UGT2B7: variants seen among roughly 807,000 people sequenced by gnomAD.
UGT2B7 encodes UDP glucuronosyltransferase family 2 member B7.
UGT2B7 carries 51 observed loss-of-function variants against 51.9 expected under a neutral mutation model. That is an observed-to-expected ratio of 0.98 (90% CI 0.78 to 1.24). The LOEUF (loss-of-function observed/expected upper bound fraction) is 1.24, where lower values mean the gene tolerates loss of function less well. Ranked by LOEUF, UGT2B7 falls within the 50% of genes most tolerant of loss-of-function variation. UGT2B7 has a pLI of 0.00. For missense variants in UGT2B7, 727 were observed against 628.4 expected (o/e 1.16, Z -1.68); for synonymous variants, 225 against 211.6 (o/e 1.06, Z -0.55).
upstream of UGT2B7, among the ~76,000 whole-genome samples, chr4:69,095,207 A>G (rs1423826755): frequency 6.6e-6 from 1 of 152,204 alleles, no homozygotes. Context: ...GAGCAAGGAG[A>G]TAAGAAGAGA....
upstream of UGT2B7, among the ~76,000 whole-genome samples, chr4:69,095,000 A>T (rs1719183284): frequency 6.6e-6 from 1 of 152,218 alleles, no homozygotes; most frequent in Admixed American, 6.5e-5. Flanking sequence ...ATGAGATTTC[A>T]TCAATTCTGT....
chr4:69,101,151 T>C (rs1251961058), intron 2 of UGT2B7, among the ~76,000 whole-genome samples: 1 of 151,844 alleles, frequency 6.6e-6, no homozygotes, highest in African/African-American at 2.4e-5. Context: ...ATAAAGTGAG[T>C]TAGAAAATGA....
chr4:69,089,851 A>G (rs1719046284), intron 2 of UGT2B7, among the ~76,000 whole-genome samples: 1 of 152,180 alleles, frequency 6.6e-6, no homozygotes, highest in Admixed American at 6.6e-5. Context: ...TAAAATATTA[A>G]GTTCCTATCT....
At chr4:69,069,122 C>T (rs539198098) in intron 1 of UGT2B7, among the ~76,000 whole-genome samples, 28 of 150,682 alleles carry the variant, frequency 1.9e-4, no homozygotes, top group African/African-American at 6.3e-4. Context: ...AAAAAAGGAC[C>T]GGTAGATATC....
intron 1 of UGT2B7, among the ~76,000 whole-genome samples, chr4:69,078,037 C>A (rs1216713497): frequency 1.3e-5 from 2 of 151,956 alleles, no homozygotes; most frequent in Non-Finnish European, 2.9e-5. Context: ...TTGAGACAAT[C>A]ATGTTTTTTT....
At chr4:69,072,190 A>T (rs1318441312) in intron 1 of UGT2B7, among the ~76,000 whole-genome samples, 2 of 152,114 alleles carry the variant, frequency 1.3e-5, no homozygotes, top group Non-Finnish European at 2.9e-5. Flanking sequence ...CAAAAATTTC[A>T]ATATTGTGCA....
intron 1 of UGT2B7, among the ~76,000 whole-genome samples, chr4:69,077,261 C>T (rs1020894576): frequency 6.6e-6 from 1 of 151,076 alleles, no homozygotes; most frequent in Non-Finnish European, 1.5e-5. Context: ...CTTGGCTCTG[C>T]AGGCTCTTTT....
intron 1 of UGT2B7, among the ~76,000 whole-genome samples, chr4:69,081,570 A>G (rs1407651341): frequency 2.6e-5 from 4 of 152,164 alleles, no homozygotes; most frequent in African/African-American, 7.2e-5. Flanking sequence ...TTTTTCTTTT[A>G]TAATCTCTGG....
intron 1 of UGT2B7, among the ~76,000 whole-genome samples, chr4:69,087,142 C>G (rs575707269): frequency 1.3e-5 from 2 of 151,560 alleles, no homozygotes; most frequent in African/African-American, 2.4e-5. Context: ...CTCTCTCTCT[C>G]TGTGTCTTCC....
In UGT2B7 at chr4:69,112,867, A is replaced by C; in HGVS notation, c.*131A>C. The C allele has an allele frequency of 7.5e-7, 1 of 1,337,262 alleles. No individual in the cohort carries two copies. Among genetic ancestry groups the C allele is most frequent in the Non-Finnish European group, 9.8e-7 (1 of 1,017,380 alleles). The allele number at this position is 1,337,262 out of a possible 1,614,324, so 82.8% of individuals were successfully genotyped here. ...AAAAAAAAGAAAAAAAAATCTTTTC[A>C]AAATTTACTTTGTCAAATAAAAATT... On this transcript the variant is annotated 3_prime_UTR_variant, in exon 6 of 6. Coordinates refer to ENST00000305231, the MANE Select transcript of UGT2B7 (RefSeq NM_001074.4).
rs72851394 is a variant in UGT2B7 at position 69,070,794 on chromosome 4, G to A, written c.-158-18678G>A. On this transcript the variant is annotated intron_variant, in intron 1 of 5. Coordinates refer to the UGT2B7 transcript ENST00000502942. ...GCATGAAGGCTAGGGTCACCTTCTA[G>A]GACAAATCCATGACATAGTGCACAT... is the stretch of plus-strand genomic sequence containing the variant. Among the ~76,000 whole-genome samples, 708 of 152,162 alleles carry A rather than the reference G, an allele frequency of 4.7e-3. 7 individuals carry two copies. Among genetic ancestry groups the A allele is most frequent in the African/African-American group, 0.014 (600 of 41,540 alleles).
intron 1 of UGT2B7, among the ~76,000 whole-genome samples, chr4:69,053,613 C>T (rs952425618): frequency 1.3e-5 from 2 of 152,184 alleles, no homozygotes; most frequent in African/African-American, 4.8e-5. Context: ...TCTGCTATAT[C>T]CTGAAGTCCC....
Position 69,096,557 on chromosome 4 carries a change from C to T in UGT2B7, c.37C>T (p.Gln13Ter), listed in dbSNP as rs1157290351. 1.9e-6 allele frequency: 3 copies of T among 1,613,890 alleles called. No homozygotes were observed. The highest frequency in any genetic ancestry group is 1.3e-5 in the African/African-American group (1 of 75,036). ...ATGGACTTCAGTAATTTTGCTAATA[C>T]AACTGAGCTTTTGCTTTAGCTCTGG... ...VKWTSVILLIQLSFCFSSGNC... is the reference protein window; with the variant it reads ...VKWTSVILLI The change falls in exon 1 of 6, where the codon CAA becomes TAA. Residue 13 changes from glutamine to a stop codon, truncating the protein, a stop_gained. Transcript: ENST00000305231. LOFTEE classifies it high-confidence loss of function.
chr4:69,061,708 G>A lies in UGT2B7; in HGVS notation c.-159+10106G>A, dbSNP rs917018026. Among the ~76,000 whole-genome samples the A allele has an allele frequency of 7.2e-5, 11 of 152,162 alleles. 1 individual carries two copies. The highest frequency in any genetic ancestry group is 3.3e-4 in the Admixed American group (5 of 15,280). ...TTAGGGTGTCATTTCTATGTGCAATGGCTCACCGCTATTACTTGAGCCATT... is the reference window on the plus strand; with the variant it reads ...TTAGGGTGTCATTTCTATGTGCAATAGCTCACCGCTATTACTTGAGCCATT... On this transcript the variant is annotated intron_variant, in intron 1 of 5. Transcript: ENST00000502942.
At chr4:69,078,620 T>C (rs747964147) in intron 1 of UGT2B7, among the ~76,000 whole-genome samples, 2 of 152,150 alleles carry the variant, frequency 1.3e-5, no homozygotes, top group Non-Finnish European at 2.9e-5. Flanking sequence ...GTGTGTATTT[T>C]GTTAAATGTT....
At chr4:69,093,941 T>C (rs555392406), upstream of UGT2B7, among the ~76,000 whole-genome samples, 12 of 152,316 alleles carry the variant, frequency 7.9e-5, no homozygotes, top group Admixed American at 2.0e-4. Flanking sequence ...GTGAGAGCCA[T>C]GCATATTACC....
chr4:69,111,228 G>A lies in UGT2B7; in HGVS notation c.1311-1229G>A, dbSNP rs546782927. On this transcript the variant is annotated intron_variant, in intron 5 of 5. Coordinates refer to ENST00000305231, the MANE Select transcript of UGT2B7 (RefSeq NM_001074.4). ...AAAGTGTTAGGAAAAGAGTTTGCCC[G>A]TGTCTAAAAATGTAGGGTTCTGTAG... 9.9e-5 allele frequency among the ~76,000 whole-genome samples: 15 copies of A among 152,250 alleles called. No homozygotes were observed. In the East Asian group the frequency reaches 1.7e-3, roughly 18 times the overall value.
intron 5 of UGT2B7, among the ~76,000 whole-genome samples, chr4:69,109,587 CTTA>C (rs1192172499): frequency 6.6e-6 from 1 of 151,956 alleles, no homozygotes; most frequent in Non-Finnish European, 1.5e-5. Context: ...TGCTATTTGT[CTTA>C]TTATTAAGTT....
chr4:69,088,684 A>G (rs958733904), intron 1 of UGT2B7, among the ~76,000 whole-genome samples: 1 of 152,108 alleles, frequency 6.6e-6, no homozygotes, highest in African/African-American at 2.4e-5. Context: ...CATTCCTGCT[A>G]ATAGGAACAC....
Sources: allele counts gnomAD v4.1 joint callset (sites outside exome capture counted in the v4.1 genomes callset), GRCh38; gene constraint gnomAD v4.1.1; transcripts MANE v1.5; gene names NCBI Gene and HGNC (gene_info 2026-07-23, HGNC 2026-07-21).